Variants in XPC observed in about 807,000 individuals in gnomAD.
XPC encodes the protein DNA repair protein complementing XP-C cells.
In XPC, 76 loss-of-function variants were observed where a neutral mutation model predicts 95.8. That is an observed-to-expected ratio of 0.79 (90% CI 0.66 to 0.96). XPC has a LOEUF of 0.96. Among genes scored for constraint, XPC ranks in the 40% least tolerant of loss-of-function variants. XPC has a pLI of 0.00. For missense variants in XPC, 1,146 were observed against 1,179.8 expected, an observed-to-expected ratio of 0.97 and a Z score of 0.42; for synonymous variants, 442 against 442.1, an observed-to-expected ratio of 1.00 and a Z score of 0.00.
At position 14,146,076 on chromosome 3, in the gene XPC, CG is replaced by C; in HGVS notation, c.2687del (p.Ala896GlyfsTer21). On this transcript the variant is annotated frameshift_variant, in exon 16 of 16. Transcript: ENST00000285021. LOFTEE classifies it high-confidence loss of function. ...EEEGTSSQAE[A>X]ARILAASWPQ... Reference sequence around the variant, plus strand: ...GCCAGGAGGCAGCCAGTATCCTGGCCGCTTCTGCTTGAGAGCTGGTCCCCTC... The same window carrying C: ...GCCAGGAGGCAGCCAGTATCCTGGCCCTTCTGCTTGAGAGCTGGTCCCCTC... The C allele has an allele frequency of 6.2e-7, 1 of 1,612,446 alleles. No individual in the cohort carries two copies. Among genetic ancestry groups the C allele is most frequent in the South Asian group, 1.1e-5 (1 of 90,886 alleles).
chr3:14,170,345 A>G (rs528517205), intron 3 of XPC, 93 bp downstream of exon 3: 23 of 1,222,850 alleles, frequency 1.9e-5, no homozygotes, highest in Non-Finnish European at 2.3e-5. Flanking sequence ...AAAGAAAACA[A>G]AAGGATTGCA....
intron 12 of XPC, 34 bp downstream of exon 12, chr3:14,148,780 G>A (rs1451284928): frequency 6.2e-7 from 1 of 1,613,492 alleles, no homozygotes; most frequent in African/African-American, 1.3e-5. Context: ...GAACAAGGCG[G>A]CCTGGTCCTG....
intron 7 of XPC, among the ~76,000 whole-genome samples, chr3:14,160,575 T>G (rs1458759763): frequency 6.6e-6 from 1 of 152,218 alleles, no homozygotes; most frequent in Non-Finnish European, 1.5e-5. Flanking sequence ...TTGTTTCTTC[T>G]GCGGCTAAAA....
chr3:14,158,641 C>T lies in XPC; in HGVS notation c.1242G>A (p.Gln414=), dbSNP rs1386347779. 5.6e-6 allele frequency: 9 copies of T among 1,613,928 alleles called. No individual in the cohort carries two copies. The highest frequency in any genetic ancestry group is 7.6e-6 in the Non-Finnish European group (9 of 1,179,894). Residue 414 remains glutamine (Q), a synonymous_variant, in exon 9 of 16, where the codon CAG becomes CAA. Coordinates refer to ENST00000285021, the MANE Select transcript of XPC (RefSeq NM_004628.5). The surrounding 1 kb of genome is among the most constrained non-coding windows in gnomAD (Gnocchi z 5.2). The part of the protein sequence containing the change: ...GPGDKQEKAT[Q]RRPHGRERRV... ...GCCGCTCCCGGCCATGCGGACGTCG[C>T]TGGGTTGCCTTCTCCTGCTTGTCTC...
At position 14,160,764 on chromosome 3, in the gene XPC, A is replaced by G. The variant is rs138248160; in HGVS notation, c.901-934T>C. On this transcript the variant is annotated intron_variant, in intron 7 of 15. Transcript: ENST00000285021. ...TCTGTAGTTTAGCTGATGGCATTGTACCAGTATTAATTTCTCAGTTTCTTC... is the reference window on the plus strand; with the variant it reads ...TCTGTAGTTTAGCTGATGGCATTGTGCCAGTATTAATTTCTCAGTTTCTTC... 1.1e-3 allele frequency among the ~76,000 whole-genome samples: 163 copies of G among 152,384 alleles called. 1 individual carries two copies. Among genetic ancestry groups the G allele is most frequent in the Non-Finnish European group, 2.1e-3 (142 of 68,038 alleles).
intron 10 of XPC, 88 bp from the exon 11 acceptor site, chr3:14,152,504 C>T (rs1695735818): frequency 2.3e-6 from 3 of 1,324,848 alleles, no homozygotes; most frequent in Non-Finnish European, 3.1e-6. Context: ...GCCCTGCAGG[C>T]TCCCTCCTCA....
chr3:14,174,916 G>T (rs1696754165), intron 1 of XPC, among the ~76,000 whole-genome samples: 1 of 151,926 alleles, frequency 6.6e-6, no homozygotes, highest in Admixed American at 6.6e-5. Flanking sequence ...AAAATCTTGA[G>T]TTATCTAATA....
At chr3:14,172,124 C>T (rs1696638623) in intron 2 of XPC, among the ~76,000 whole-genome samples, 1 of 152,092 alleles carries the variant, frequency 6.6e-6, no homozygotes, top group Admixed American at 6.5e-5. Context: ...CTGTTCACAA[C>T]ATATTAATAT....
Position 14,166,836 on chromosome 3 carries a change from C to T in XPC, c.621+333G>A, listed in dbSNP as rs1388670503. The stretch of plus-strand genomic sequence containing the variant: ...CTAGGTGTGTGCAAGTGTTCAATAA[C>T]TGTCAGCTAAAGTCAAAAGCCAGTG... On this transcript the variant is annotated intron_variant, in intron 5 of 15. Transcript: ENST00000285021. Among the ~76,000 whole-genome samples the T allele has an allele frequency of 2.0e-5, 3 of 152,238 alleles. No individual in the cohort carries two copies. In the East Asian group the frequency reaches 5.8e-4, roughly 29 times the overall value.
At chr3:14,161,081 T>C (rs557813478) in intron 7 of XPC, among the ~76,000 whole-genome samples, 7 of 152,220 alleles carry the variant, frequency 4.6e-5, no homozygotes, top group Admixed American at 3.9e-4. Context: ...ACAAATTAGA[T>C]AACATAGAGA....
At position 14,147,830 on chromosome 3, in the gene XPC, G is replaced by T. The variant is rs1000245836; in HGVS notation, c.2514+78C>A. 3.6e-5 allele frequency: 48 copies of T among 1,321,296 alleles called. No homozygotes were observed. In the South Asian group the frequency reaches 6.2e-4, roughly 17 times the overall value. The allele number at this position is 1,321,296 out of a possible 1,614,324, so 81.8% of individuals were successfully genotyped here. On this transcript the variant is annotated intron_variant, in intron 14 of 15. Transcript: ENST00000285021. ...GAAGAGCCTGGGAGCACACGGAGGCGGCCTGGGGAAGGAAGAGGCCACCCG... is the reference window on the plus strand; with the variant it reads ...GAAGAGCCTGGGAGCACACGGAGGCTGCCTGGGGAAGGAAGAGGCCACCCG...
chr3:14,172,214 A>G (rs747110573), intron 2 of XPC, among the ~76,000 whole-genome samples: 1 of 152,208 alleles, frequency 6.6e-6, no homozygotes, highest in Non-Finnish European at 1.5e-5. Context: ...AGGGCATATG[A>G]AAAGGAACCC....
intron 1 of XPC, 43 bp downstream of exon 1, chr3:14,178,423 A>G (rs762204320): frequency 1.3e-6 from 2 of 1,564,464 alleles, no homozygotes; most frequent in South Asian, 2.3e-5. Context: ...TCCTCCGCCC[A>G]CCGGCGGCGT....
At chr3:14,153,108 C>G (rs1306844608) in intron 10 of XPC, 3 of 152,292 alleles carry the variant, frequency 2.0e-5, no homozygotes, top group Admixed American at 2.0e-4. Flanking sequence ...CCCCTTCACT[C>G]TGTCCAGGGA....
chr3:14,178,276 T>G (rs946459460), intron 1 of XPC, 190 bp downstream of exon 1: 21 of 633,870 alleles, frequency 3.3e-5, no homozygotes, highest in Non-Finnish European at 4.3e-5. Flanking sequence ...GGGAAACCGC[T>G]CTGGGTGCGC....
chr3:14,172,922 A>G lies in XPC; in HGVS notation c.244T>C (p.Ser82Pro). The change falls in exon 2 of 16, where the codon TCT (serine) becomes CCT (proline). Residue 82 changes from serine to proline, a missense_variant. Ser to Pro is a moderately conservative substitution (Grantham distance 74). Transcript: ENST00000285021. The stretch of plus-strand genomic sequence containing the variant: ...TCCTTTATAACCTTGAGGTTTTCAG[A>G]TTTAACAGTCACCTTGGCCACTTTC... ...KKKVAKVTVK[S>P]ENLKVIKDEA... 1 of 1,613,938 alleles carries G rather than the reference A, an allele frequency of 6.2e-7. No homozygotes were observed. The highest frequency in any genetic ancestry group is 8.5e-7 in the Non-Finnish European group (1 of 1,179,864).
chr3:14,170,855 A>G (rs756940284), intron 2 of XPC, among the ~76,000 whole-genome samples: 56 of 152,198 alleles, frequency 3.7e-4, no homozygotes, highest in Non-Finnish European at 7.3e-4. Context: ...AGACACCAAA[A>G]TAATAATGAG....
chr3:14,170,636 T>C (rs1696574190), intron 2 of XPC, 86 bp from the exon 3 acceptor site: 1 of 978,008 alleles, frequency 1.0e-6, no homozygotes, highest in Admixed American at 2.4e-5. Context: ...TTAAAACCCC[T>C]CCTATTTATT....
intron 7 of XPC, 48 bp from the exon 8 acceptor site, chr3:14,159,878 ATGT>A (rs1696099345): frequency 1.3e-6 from 2 of 1,505,912 alleles, no homozygotes; most frequent in African/African-American, 2.8e-5. Context: ...GTAATTAAAG[ATGT>A]AATGAGTTCA....
Sources: gnomAD v4.1 joint callset for allele counts (sites outside exome capture counted in the v4.1 genomes callset) on GRCh38, gnomAD v4.1.1 for gene constraint, Gnocchi (gnomAD v3.1) non-coding constraint, MANE v1.5 for transcripts, NCBI Gene and HGNC (gene_info 2026-07-23, HGNC 2026-07-21) for gene names.